Variants in AMOTL1 observed in about 807,000 individuals in gnomAD.
The protein encoded by AMOTL1 is angiomotin-like protein 1.
A neutral mutation model predicts 102.9 loss-of-function variants in AMOTL1; 45 were observed. The ratio of observed to expected loss-of-function variants is 0.44; its 90% confidence interval spans 0.34 to 0.56. The LOEUF (loss-of-function observed/expected upper bound fraction) is 0.56, where lower values mean the gene tolerates loss of function less well. Ranked by LOEUF, AMOTL1 falls within the 20% of genes least tolerant of loss-of-function variation. The pLI is 0.01. For missense variants in AMOTL1, 1,114 were observed against 1,225.6 expected, an observed-to-expected ratio of 0.91 and a Z score of 1.36; for synonymous variants, 481 against 484.7, an observed-to-expected ratio of 0.99 and a Z score of 0.10.
intron 6 of AMOTL1, among the ~76,000 whole-genome samples, chr11:94,844,451 G>A (rs1459828674): frequency 6.6e-6 from 1 of 152,186 alleles, no homozygotes; most frequent in African/African-American, 2.4e-5. Context: ...ATTTTCTGCT[G>A]CTGTAACAGA....
intron 1 of AMOTL1, among the ~76,000 whole-genome samples, chr11:94,722,172 T>A (rs1950184556): frequency 6.6e-6 from 1 of 152,128 alleles, no homozygotes; most frequent in Admixed American, 6.6e-5. Context: ...TGACTAGTTT[T>A]TCCCCTCCCT....
At chr11:94,834,164 TTAGAG>T in intron 6 of AMOTL1, among the ~76,000 whole-genome samples, 1 of 152,312 alleles carries the variant, frequency 6.6e-6, no homozygotes, top group Admixed American at 6.5e-5. Context: ...AACCCTATTG[TTAGAG>T]TAAATTTCAA....
chr11:94,765,816 T>C (rs1437274102), upstream of AMOTL1, among the ~76,000 whole-genome samples: 1 of 152,242 alleles, frequency 6.6e-6, no homozygotes, highest in Non-Finnish European at 1.5e-5. Context: ...GTTTTCCAGT[T>C]GTGGACATTC....
intron 1 of AMOTL1, among the ~76,000 whole-genome samples, chr11:94,775,955 CAGG>C (rs1445321845): frequency 6.6e-6 from 1 of 152,222 alleles, no homozygotes. Flanking sequence ...AGGCCATTAT[CAGG>C]AGATGTCTGC....
Position 94,859,583 on chromosome 11 carries a change from A to G in AMOTL1, c.2003A>G (p.Glu668Gly). 1 of 1,613,970 alleles carries G rather than the reference A, an allele frequency of 6.2e-7. No homozygotes were observed. The highest frequency in any genetic ancestry group is 1.3e-5 in the African/African-American group (1 of 75,050). ...MPEYNAPALL[E>G]LVREKEERIL... ...GAATACAATGCCCCAGCCCTCCTGG[A>G]ACTTGTGCGGGAGAAGGAGGAGCGG... Residue 668 changes from glutamate to glycine, a missense_variant, in exon 9 of 13, where the codon GAA becomes GGA. Coordinates refer to ENST00000433060, the MANE Select transcript of AMOTL1 (RefSeq NM_130847.3).
intron 7 of AMOTL1, among the ~76,000 whole-genome samples, chr11:94,852,777 A>C (rs959433114): frequency 2.0e-5 from 3 of 152,224 alleles, no homozygotes; most frequent in Non-Finnish European, 4.4e-5. Flanking sequence ...AGGACTCTGA[A>C]ATCTTTAGGA....
Position 94,818,948 on chromosome 11 carries a change from C to A in AMOTL1, c.1122-2582C>A, listed in dbSNP as rs1437563122. Among the ~76,000 whole-genome samples, 3 of 152,198 alleles carry A rather than the reference C, an allele frequency of 2.0e-5. No homozygotes were observed. In the East Asian group the frequency reaches 5.8e-4, roughly 29 times the overall value. On this transcript the variant is annotated intron_variant, in intron 3 of 12. Coordinates refer to ENST00000433060, the MANE Select transcript of AMOTL1 (RefSeq NM_130847.3). ...TACCTGCCTATTGATGTGTGGACTT[C>A]AGATAATATGGCCTATATCAATTTT...
intron 2 of AMOTL1, among the ~76,000 whole-genome samples, chr11:94,737,884 G>A (rs1280678539): frequency 6.6e-6 from 1 of 152,200 alleles, no homozygotes; most frequent in Non-Finnish European, 1.5e-5. Flanking sequence ...ATGGAGAATG[G>A]GTGCTATCAG....
intron 1 of AMOTL1, among the ~76,000 whole-genome samples, chr11:94,793,241 T>G (rs1951315672): frequency 6.6e-6 from 1 of 152,238 alleles, no homozygotes; most frequent in African/African-American, 2.4e-5. Context: ...CATCACACTT[T>G]CTTTGATCGA....
At chr11:94,763,129 C>A (rs941549251) in intron 3 of AMOTL1, among the ~76,000 whole-genome samples, 1 of 152,190 alleles carries the variant, frequency 6.6e-6, no homozygotes, top group Non-Finnish European at 1.5e-5. Context: ...GTTTCTTCAT[C>A]CACAGGCACC....
chr11:94,715,687 CT>C (rs1477281038), intron 1 of AMOTL1, among the ~76,000 whole-genome samples: 6 of 152,116 alleles, frequency 3.9e-5, no homozygotes, highest in African/African-American at 1.4e-4. Context: ...TCAGGTCCTT[CT>C]GGCCTTCATA....
In AMOTL1 at chr11:94,865,110, G is replaced by T. The variant is rs528874840; in HGVS notation, c.2261+250G>T. ...TGTCACCTGCCGGTTTTAAGATGCA[G>T]GCTGAGTCTAGTGACAGAAGAATTT... On this transcript the variant is annotated intron_variant, in intron 10 of 12. Coordinates refer to ENST00000433060, the MANE Select transcript of AMOTL1 (RefSeq NM_130847.3). Among the ~76,000 whole-genome samples, 8 of 152,290 alleles carry T rather than the reference G, an allele frequency of 5.3e-5. No individual in the cohort carries two copies. In the East Asian group the frequency reaches 1.4e-3, roughly 26 times the overall value.
intron 2 of AMOTL1, among the ~76,000 whole-genome samples, chr11:94,796,522 G>A (rs1342321710): frequency 1.3e-5 from 2 of 152,144 alleles, no homozygotes; most frequent in African/African-American, 4.8e-5. Flanking sequence ...AGGAGCCAGG[G>A]GCAAGAGATA....
chr11:94,825,946 C>G (rs1032560296), intron 4 of AMOTL1, among the ~76,000 whole-genome samples: 1 of 152,188 alleles, frequency 6.6e-6, no homozygotes, highest in Admixed American at 6.5e-5. Context: ...GTATACTACA[C>G]TTCTGGAAAA....
chr11:94,741,866 G>A (rs1210271540), intron 3 of AMOTL1, among the ~76,000 whole-genome samples: 1 of 152,202 alleles, frequency 6.6e-6, no homozygotes, highest in African/African-American at 2.4e-5. Context: ...TATGTTGACA[G>A]TAAAGGAGGA....
At chr11:94,836,454 G>A (rs147036707) in intron 6 of AMOTL1, among the ~76,000 whole-genome samples, 2 of 152,228 alleles carry the variant, frequency 1.3e-5, no homozygotes, top group Non-Finnish European at 2.9e-5. Context: ...AACTATAGAC[G>A]TTCTTCACCA....
In AMOTL1 at chr11:94,800,036, G is replaced by C. The variant is rs571152175; in HGVS notation, c.846G>C (p.Ser282=). ...GGGCCAAGCAACACCTTCCCGGCTC[G>C]GGGAATGGAAAGGGCTTCAAAGTAG... The part of the protein sequence containing the change: ...RNGAKQHLPG[S]GNGKGFKVGG... Residue 282 remains serine (S), a synonymous_variant, in exon 3 of 13, where the codon TCG becomes TCC. Transcript: ENST00000433060. 4 of 1,614,032 alleles carry C rather than the reference G, an allele frequency of 2.5e-6. No individual in the cohort carries two copies. The highest frequency in any genetic ancestry group is 2.5e-6 in the Non-Finnish European group (3 of 1,179,872).
Position 94,799,816 on chromosome 11 carries a change from A to G in AMOTL1, c.626A>G (p.Gln209Arg), listed in dbSNP as rs1328236435. ...QFFRGQQQQQ[Q>R]QQGAVGHGYY... Reference sequence around the variant, plus strand: ...TTCAGGGGGCAGCAGCAGCAGCAACAGCAGCAGGGGGCGGTGGGCCATGGT... The same window carrying G: ...TTCAGGGGGCAGCAGCAGCAGCAACGGCAGCAGGGGGCGGTGGGCCATGGT... Residue 209 changes from glutamine to arginine, a missense_variant, in exon 3 of 13, where the codon CAG becomes CGG. Transcript: ENST00000433060. This position sits in a 1 kb window ranked among gnomAD's most constrained non-coding sequence, Gnocchi z 4.5. 1.3e-6 allele frequency: 2 copies of G among 1,598,390 alleles called. No homozygotes were observed. The highest frequency in any genetic ancestry group is 1.7e-6 in the Non-Finnish European group (2 of 1,171,730).
In AMOTL1 at chr11:94,771,263, G is replaced by GGC. The variant is rs200602276; in HGVS notation, c.49+2704_49+2705insCG. Among the ~76,000 whole-genome samples, 28 of 146,632 alleles carry GGC rather than the reference G, an allele frequency of 1.9e-4. 2 individuals are homozygous for GGC. The highest frequency in any genetic ancestry group is 4.5e-4 in the South Asian group (2 of 4,408). On this transcript the variant is annotated intron_variant, in intron 1 of 12. Coordinates refer to ENST00000433060, the MANE Select transcript of AMOTL1 (RefSeq NM_130847.3). ...TTCTTTTCTTTTTGGCGGGGTTGGG[G>GGC]GGGGGGTGCGGTGTGTGGCTATCTG...
Sources: gnomAD v4.1 joint callset for allele counts (sites outside exome capture counted in the v4.1 genomes callset) on GRCh38, gnomAD v4.1.1 for gene constraint, Gnocchi (gnomAD v3.1) non-coding constraint, MANE v1.5 for transcripts, NCBI Gene and HGNC (gene_info 2026-07-23, HGNC 2026-07-21) for gene names.